The following MGMT variants were observed in gnomAD, a reference collection of about 807,000 sequenced individuals.
The protein encoded by MGMT is O-6-methylguanine-DNA methyltransferase, also known as methylated-DNA--protein-cysteine methyltransferase.
MGMT carries 14 observed loss-of-function variants against 15.9 expected under a neutral mutation model. The observed-to-expected ratio is 0.88, with a 90% CI of 0.58 to 1.37. The LOEUF (loss-of-function observed/expected upper bound fraction) is 1.37. Among genes scored for constraint, MGMT ranks in the 40% most tolerant of loss-of-function variants. The probability of loss-of-function intolerance (pLI) is 0.00; values close to 1 mark genes in which losing one functional copy is unlikely to be tolerated. For missense variants in MGMT, 282 were observed against 268.1 expected (o/e 1.05, Z -0.36); for synonymous variants, 130 against 118.2 (o/e 1.10, Z -0.65).
intron 2 of MGMT, among the ~76,000 whole-genome samples, chr10:129,611,401 T>G (rs1846958006): frequency 6.6e-6 from 1 of 152,116 alleles, no homozygotes; most frequent in Non-Finnish European, 1.5e-5. Flanking sequence ...CCAGATCTCT[T>G]GAGAACTCAC....
chr10:129,715,218 C>T (rs1450509410), intron 3 of MGMT, among the ~76,000 whole-genome samples: 1 of 152,156 alleles, frequency 6.6e-6, no homozygotes, highest in Non-Finnish European at 1.5e-5. Context: ...TATAATTTAA[C>T]TCTGGTGAAG....
intron 3 of MGMT, among the ~76,000 whole-genome samples, chr10:129,718,165 G>C (rs1306680678): frequency 6.6e-6 from 1 of 152,210 alleles, no homozygotes; most frequent in East Asian, 1.9e-4. Flanking sequence ...CCTAGAAGAT[G>C]AATATGATTT....
chr10:129,493,185 G>T (rs1845486802), intron 1 of MGMT, among the ~76,000 whole-genome samples: 1 of 152,148 alleles, frequency 6.6e-6, no homozygotes, highest in Non-Finnish European at 1.5e-5. Flanking sequence ...TTCCCTAAGG[G>T]TGGGTGTTTG....
intron 2 of MGMT, among the ~76,000 whole-genome samples, chr10:129,651,603 A>T (rs940132504): frequency 1.3e-5 from 2 of 152,188 alleles, no homozygotes; most frequent in African/African-American, 4.8e-5. Context: ...TGAAAACACC[A>T]AGAGTTACAT....
At chr10:129,674,274 T>TAA (rs151318363) in intron 2 of MGMT, among the ~76,000 whole-genome samples, 1 of 147,482 alleles carries the variant, frequency 6.8e-6, no homozygotes, top group African/African-American at 2.5e-5. Flanking sequence ...AAGCCAGTTG[T>TAA]AAAAAAAAAA....
intron 2 of MGMT, among the ~76,000 whole-genome samples, chr10:129,539,871 G>T (rs536431363): frequency 1.3e-5 from 2 of 152,308 alleles, no homozygotes; most frequent in East Asian, 3.9e-4. Context: ...ATTTTTGAAA[G>T]GTTTGGCTTC....
chr10:129,583,608 T>A (rs995740026), intron 2 of MGMT, among the ~76,000 whole-genome samples: 16 of 152,230 alleles, frequency 1.1e-4, no homozygotes, highest in African/African-American at 3.9e-4. Context: ...TTTTCCCAAA[T>A]TCTTCTTCAT....
chr10:129,687,523 T>G (rs1589936869), intron 2 of MGMT, among the ~76,000 whole-genome samples: 1 of 152,196 alleles, frequency 6.6e-6, no homozygotes, highest in African/African-American at 2.4e-5. Context: ...TGATGAGAGC[T>G]GGGCATCTTA....
chr10:129,751,401 G>A (rs1848749128), intron 3 of MGMT, among the ~76,000 whole-genome samples: 1 of 151,632 alleles, frequency 6.6e-6, no homozygotes, highest in South Asian at 2.1e-4. Flanking sequence ...TTGATTATTT[G>A]TTTCTTCTTT....
intron 2 of MGMT, among the ~76,000 whole-genome samples, chr10:129,668,815 A>G (rs1847688637): frequency 6.6e-6 from 1 of 152,114 alleles, no homozygotes; most frequent in South Asian, 2.1e-4. Flanking sequence ...AAATGTAGAG[A>G]AGGTTTTTAG....
At chr10:129,603,118 A>G (rs1846844387) in intron 2 of MGMT, among the ~76,000 whole-genome samples, 1 of 152,246 alleles carries the variant, frequency 6.6e-6, no homozygotes, top group South Asian at 2.1e-4. Flanking sequence ...TTCTTGTCAC[A>G]TATTTATTGC....
At chr10:129,735,295 G>A (rs979123542) in intron 3 of MGMT, among the ~76,000 whole-genome samples, 9 of 152,146 alleles carry the variant, frequency 5.9e-5, no homozygotes, top group Non-Finnish European at 1.0e-4. Context: ...TTGGGAGAGT[G>A]TATGTGTCAA....
intron 2 of MGMT, among the ~76,000 whole-genome samples, chr10:129,609,547 G>A (rs916767477): frequency 3.9e-5 from 6 of 152,204 alleles, no homozygotes; most frequent in African/African-American, 9.7e-5. Flanking sequence ...TCACAGCAGC[G>A]CTGGCTTAGC....
chr10:129,502,382 A>G (rs1426005157), intron 1 of MGMT, among the ~76,000 whole-genome samples: 1 of 152,158 alleles, frequency 6.6e-6, no homozygotes. Context: ...ATATTTAGTT[A>G]ATACGTTGCG....
intron 2 of MGMT, among the ~76,000 whole-genome samples, chr10:129,604,729 G>GCCCCCCC (rs1846867039): frequency 1.0e-5 from 1 of 97,878 alleles, no homozygotes; most frequent in Non-Finnish European, 2.2e-5. Context: ...ACCCCACCTC[G>GCCCCCCC]CCGCCCCACC....
At chr10:129,678,244 A>C (rs1469435676) in intron 2 of MGMT, among the ~76,000 whole-genome samples, 1 of 152,146 alleles carries the variant, frequency 6.6e-6, no homozygotes, top group Non-Finnish European at 1.5e-5. Context: ...CTCCAAGCTC[A>C]GAATGAAGCC....
chr10:129,676,749 C>T lies in MGMT; in HGVS notation c.126-31146C>T, dbSNP rs1291449119. 3.9e-5 allele frequency among the ~76,000 whole-genome samples: 6 copies of T among 152,126 alleles called. No individual in the cohort carries two copies. The East Asian group carries it at 1.2e-3, about 29-fold the overall frequency. On this transcript the variant is annotated intron_variant, in intron 2 of 4. Transcript: ENST00000651593. ...AAATTTTCTATCTCATTGGGAATTT[C>T]TTGGTAAATATGCAAGCAGATACAT...
Position 129,766,305 on chromosome 10 carries a change from G to A in MGMT, c.415-483G>A, listed in dbSNP as rs75639628. 7.5e-3 allele frequency among the ~76,000 whole-genome samples: 1,146 copies of A among 152,304 alleles called. 14 individuals carry two copies. Among genetic ancestry groups the A allele is most frequent in the African/African-American group, 0.025 (1,039 of 41,570 alleles). On this transcript the variant is annotated intron_variant, in intron 4 of 4. Coordinates refer to ENST00000651593, the MANE Select transcript of MGMT (RefSeq NM_002412.5). ...CAAAAGCAGGTGGTGGGCTGCGTGC[G>A]CCCACAGCCACAGTTGGCCGGCCAT... is the stretch of plus-strand genomic sequence containing the variant.
chr10:129,703,768 C>A (rs1172990787), intron 2 of MGMT, among the ~76,000 whole-genome samples: 2 of 152,226 alleles, frequency 1.3e-5, no homozygotes, highest in Non-Finnish European at 2.9e-5. Context: ...GTGCAGGAGA[C>A]AAGACCCTCA....
Sources: gnomAD v4.1 joint callset for allele counts (sites outside exome capture counted in the v4.1 genomes callset) on GRCh38, gnomAD v4.1.1 for gene constraint, MANE v1.5 for transcripts, NCBI Gene and HGNC (gene_info 2026-07-23, HGNC 2026-07-21) for gene names.